Variants in SCG5 observed in about 807,000 individuals in gnomAD.
SCG5 encodes secretogranin V, also known as neuroendocrine protein 7B2.
A neutral mutation model predicts 25.7 loss-of-function variants in SCG5; 18 were observed. The ratio of observed to expected loss-of-function variants is 0.70; its 90% confidence interval spans 0.48 to 1.04. The LOEUF (loss-of-function observed/expected upper bound fraction) is 1.04, where lower values mean the gene tolerates loss of function less well. Ranked by LOEUF, SCG5 falls within the 50% of genes least tolerant of loss-of-function variation. SCG5 has a pLI of 0.00. For missense variants in SCG5, 206 were observed against 259.8 expected (o/e 0.79, Z 1.42); for synonymous variants, 101 against 91.7 (o/e 1.10, Z -0.58).
intron 2 of SCG5, among the ~76,000 whole-genome samples, chr15:32,659,717 C>T (rs1003625066): frequency 5.3e-5 from 8 of 152,210 alleles, no homozygotes; most frequent in Admixed American, 4.6e-4. Context: ...GTCAACAAGC[C>T]CTGCACGGTT....
At chr15:32,689,060 C>T (rs1255495646) in intron 4 of SCG5, among the ~76,000 whole-genome samples, 1 of 151,234 alleles carries the variant, frequency 6.6e-6, no homozygotes, top group Non-Finnish European at 1.5e-5. Flanking sequence ...ACAAATATAA[C>T]ATCCATTGAT....
At chr15:32,690,858 C>T (rs1487939747) in intron 4 of SCG5, among the ~76,000 whole-genome samples, 1 of 150,728 alleles carries the variant, frequency 6.6e-6, no homozygotes, top group Non-Finnish European at 1.5e-5. Flanking sequence ...AAACGAATCA[C>T]CTCTTTTATA....
chr15:32,659,984 A>G lies in SCG5; in HGVS notation c.226+16166A>G, dbSNP rs138273902. On this transcript the variant is annotated intron_variant, in intron 2 of 5. Transcript: ENST00000300175. ...TGAAGTGTGCAAAAACATGGCAACA[A>G]TGCAGGTGCTATGGTCTGAAAATGT... is the stretch of plus-strand genomic sequence containing the variant. Among the ~76,000 whole-genome samples, 269 of 152,340 alleles carry G rather than the reference A, an allele frequency of 1.8e-3. 2 individuals carry two copies. The highest frequency in any genetic ancestry group is 6.2e-3 in the African/African-American group (256 of 41,576).
intron 2 of SCG5, among the ~76,000 whole-genome samples, chr15:32,661,369 C>T (rs956026501): frequency 6.6e-6 from 1 of 152,204 alleles, no homozygotes; most frequent in African/African-American, 2.4e-5. Flanking sequence ...CCTGTAATCC[C>T]AGCACTTTGG....
chr15:32,691,603 C>G, intron 4 of SCG5, 107 bp from the exon 5 acceptor site: 1 of 829,892 alleles, frequency 1.2e-6, no homozygotes, highest in South Asian at 1.6e-5. Context: ...CCAAAATATG[C>G]GTATGCAAAT....
At chr15:32,643,317 G>A (rs2053895261) in intron 1 of SCG5, among the ~76,000 whole-genome samples, 1 of 152,194 alleles carries the variant, frequency 6.6e-6, no homozygotes, top group African/African-American at 2.4e-5. Flanking sequence ...TAAAAATTAT[G>A]AGTGAGAACC....
intron 5 of SCG5, among the ~76,000 whole-genome samples, chr15:32,694,145 G>C (rs2054913987): frequency 2.0e-5 from 3 of 151,900 alleles, no homozygotes; most frequent in Admixed American, 1.3e-4. Context: ...CAAACCCAAA[G>C]CTCATTATTA....
chr15:32,656,912 T>TG (rs572879671), intron 2 of SCG5, among the ~76,000 whole-genome samples: 5 of 151,358 alleles, frequency 3.3e-5, no homozygotes, highest in East Asian at 2.0e-4. Flanking sequence ...CGGTGGAGGC[T>TG]GGGGGGGACT....
At position 32,679,776 on chromosome 15, in the gene SCG5, T is replaced by G; in HGVS notation, c.237T>G (p.His79Gln). The G allele has an allele frequency of 6.2e-7, 1 of 1,613,992 alleles. No individual in the cohort carries two copies. Among genetic ancestry groups the G allele is most frequent in the Non-Finnish European group, 8.5e-7 (1 of 1,179,856 alleles). The change falls in exon 3 of 6, where the codon CAT becomes CAG. Residue 79 changes from histidine (H) to glutamine (Q), a missense_variant. Coordinates refer to ENST00000300175, the MANE Select transcript of SCG5 (RefSeq NM_001144757.3). ...CTGATTCCCTCGCAGGTGGAGCTCA[T>G]GAAGGACTTCAGCATTTGGGTCCTT... is the stretch of plus-strand genomic sequence containing the variant. ...VGPQSIEGGA[H>Q]EGLQHLGPFG...
At chr15:32,692,082 T>G in intron 5 of SCG5, 1 of 1,195,644 alleles carries the variant, frequency 8.4e-7, no homozygotes, top group Non-Finnish European at 1.0e-6. Context: ...AGGGTCTGTC[T>G]GCCCTCCCAG....
Position 32,691,798 on chromosome 15 carries a change from C to A in SCG5, c.543+35C>A. On this transcript the variant is annotated intron_variant, in intron 5 of 5. Coordinates refer to ENST00000300175, the MANE Select transcript of SCG5 (RefSeq NM_001144757.3). The stretch of plus-strand genomic sequence containing the variant: ...GCCTGGCTGGATTGTTGCGGGGATG[C>A]TTGGAGCTTTCTGAGTGGGGCAGTG... 3 of 1,607,444 alleles carry A rather than the reference C, an allele frequency of 1.9e-6. No individual in the cohort carries two copies. The South Asian group carries it at 3.3e-5, about 18-fold the overall frequency.
intron 2 of SCG5, among the ~76,000 whole-genome samples, chr15:32,678,335 T>C (rs1193978453): frequency 1.3e-5 from 2 of 152,234 alleles, no homozygotes; most frequent in Non-Finnish European, 2.9e-5. Context: ...CTTTATTATG[T>C]AAAATGTTCA....
chr15:32,642,503 G>A (rs1406508515), intron 1 of SCG5, among the ~76,000 whole-genome samples: 2 of 146,282 alleles, frequency 1.4e-5, no homozygotes, highest in Non-Finnish European at 3.0e-5. Flanking sequence ...GGGAGGTGGA[G>A]GTTGCAGTGA....
chr15:32,668,440 A>T (rs2054358580), intron 2 of SCG5, among the ~76,000 whole-genome samples: 1 of 152,216 alleles, frequency 6.6e-6, no homozygotes, highest in Non-Finnish European at 1.5e-5. Flanking sequence ...GTCTACAGAC[A>T]TATGGGTGGA....
In SCG5 at chr15:32,654,270, C is replaced by T. The variant is rs150317996; in HGVS notation, c.226+10452C>T. Among the ~76,000 whole-genome samples the T allele has an allele frequency of 2.0e-3, 310 of 152,322 alleles. 1 individual carries two copies. Among genetic ancestry groups the T allele is most frequent in the African/African-American group, 7.0e-3 (291 of 41,572 alleles). On this transcript the variant is annotated intron_variant, in intron 2 of 5. Transcript: ENST00000300175. ...TCAAAACCAAGGTGCTGGCAGATTC[C>T]GTGCCTGGGGAGAGACTGCTTCCTG...
intron 2 of SCG5, among the ~76,000 whole-genome samples, chr15:32,649,945 G>GAAAAAT (rs1021527647): frequency 1.3e-5 from 2 of 152,106 alleles, no homozygotes; most frequent in East Asian, 3.8e-4. Context: ...GTTGGTGTTT[G>GAAAAAT]AAAAATAAAA....
intron 2 of SCG5, among the ~76,000 whole-genome samples, chr15:32,659,141 A>C (rs962186733): frequency 1.3e-5 from 2 of 151,980 alleles, no homozygotes; most frequent in Non-Finnish European, 2.9e-5. Flanking sequence ...GCGCCACTGC[A>C]CTCCAGCCTG....
chr15:32,684,265 A>G (rs1268066726), intron 3 of SCG5, among the ~76,000 whole-genome samples: 1 of 152,236 alleles, frequency 6.6e-6, no homozygotes, highest in Non-Finnish European at 1.5e-5. Context: ...ACTCAGGCAA[A>G]TGACTCCACG....
At chr15:32,646,049 T>A (rs1352915274) in intron 2 of SCG5, among the ~76,000 whole-genome samples, 1 of 152,112 alleles carries the variant, frequency 6.6e-6, no homozygotes, top group Non-Finnish European at 1.5e-5. Flanking sequence ...CCATCTGACC[T>A]CATGATCCGC....
Sources: gnomAD v4.1 joint callset for allele counts (sites outside exome capture counted in the v4.1 genomes callset) on GRCh38, gnomAD v4.1.1 for gene constraint, MANE v1.5 for transcripts, NCBI Gene and HGNC (gene_info 2026-07-23, HGNC 2026-07-21) for gene names.